The following STX8 variants were observed in gnomAD, a reference collection of about 807,000 sequenced individuals.
STX8 encodes syntaxin 8, also known as syntaxin-8.
Under a neutral mutation model 37.5 loss-of-function variants are expected in STX8, and 23 were observed. The ratio of observed to expected loss-of-function variants is 0.61; its 90% CI spans 0.44 to 0.87. The LOEUF (loss-of-function observed/expected upper bound fraction) is 0.87. Ranked by LOEUF, STX8 falls within the 40% of genes least tolerant of loss-of-function variation. The pLI is 0.00. For missense variants in STX8, 313 were observed against 284.7 expected (o/e 1.10, Z -0.71); for synonymous variants, 115 against 99.1 (o/e 1.16, Z -0.95).
chr17:9,467,986 C>T (rs1315089909), intron 6 of STX8, among the ~76,000 whole-genome samples: 2 of 152,118 alleles, frequency 1.3e-5, no homozygotes, highest in Admixed American at 1.3e-4. Flanking sequence ...TATACAGCTG[C>T]CATAATAATA....
intron 7 of STX8, among the ~76,000 whole-genome samples, chr17:9,372,442 G>T (rs73973708): frequency 0.072 from 10,972 of 151,894 alleles, 1,099 homozygotes; most frequent in African/African-American, 0.23. Context: ...AGAAGTGTCT[G>T]GCTTTATCAG....
intron 7 of STX8, among the ~76,000 whole-genome samples, chr17:9,286,109 G>C (rs1259284200): frequency 6.6e-6 from 1 of 152,174 alleles, no homozygotes; most frequent in African/African-American, 2.4e-5. Context: ...CGTGAAGTCA[G>C]TCTACGTTTG....
At chr17:9,437,339 C>T (rs1298757012) in intron 6 of STX8, among the ~76,000 whole-genome samples, 2 of 152,176 alleles carry the variant, frequency 1.3e-5, no homozygotes, top group South Asian at 2.1e-4. Flanking sequence ...AGGATTCACT[C>T]GTCAGGGCTA....
At chr17:9,389,235 C>A (rs1284697128) in intron 6 of STX8, among the ~76,000 whole-genome samples, 1 of 152,222 alleles carries the variant, frequency 6.6e-6, no homozygotes, top group Admixed American at 6.5e-5. Flanking sequence ...GGAATTCCCA[C>A]TCTGCAGACC....
At position 9,507,645 on chromosome 17, in the gene STX8, ACCAACC is replaced by A. The variant is rs1441131210; in HGVS notation, c.324-2489_324-2484del. ...CTGTGCCCTCAGCCAGAGTAAGGGC[ACCAACC>A]CCAACCCCAGCAAGTGAGACCCCAA... On this transcript the variant is annotated intron_variant, in intron 4 of 7. Transcript: ENST00000306357. The surrounding 1 kb of genome is among the most constrained non-coding windows in gnomAD (Gnocchi z 4.0). Among the ~76,000 whole-genome samples, 1 of 152,204 alleles carries A rather than the reference ACCAACC, an allele frequency of 6.6e-6. No individual in the cohort carries two copies. The highest frequency in any genetic ancestry group is 1.5e-5 in the Non-Finnish European group (1 of 68,042).
chr17:9,257,062 G>C (rs1346243394), intron 7 of STX8, among the ~76,000 whole-genome samples: 1 of 152,130 alleles, frequency 6.6e-6, no homozygotes, highest in Non-Finnish European at 1.5e-5. Context: ...TCCTGCCCTG[G>C]GCCCGCTGGC....
At chr17:9,442,007 A>G (rs7213397) in intron 6 of STX8, among the ~76,000 whole-genome samples, 31,136 of 151,938 alleles carry the variant, frequency 0.2, 3,596 homozygotes, top group Middle Eastern at 0.27. Context: ...TCTCAGATCT[A>G]AAATTCCAGT....
chr17:9,342,192 C>G (rs543962781), intron 7 of STX8, among the ~76,000 whole-genome samples: 12 of 152,264 alleles, frequency 7.9e-5, no homozygotes, highest in African/African-American at 2.9e-4. Context: ...TCTAATGCTG[C>G]CACTGATCTG....
At chr17:9,414,008 G>GTCCA (rs1190129501) in intron 6 of STX8, among the ~76,000 whole-genome samples, 584 of 137,792 alleles carry the variant, frequency 4.2e-3, no homozygotes, top group Non-Finnish European at 5.1e-3. Context: ...CTACCCATCT[G>GTCCA]TCCATCCATC....
rs189365987 is a variant in STX8 at position 9,457,269 on chromosome 17, G to A, written c.541+34560C>T. Among the ~76,000 whole-genome samples the A allele has an allele frequency of 3.9e-4, 59 of 152,298 alleles. 1 individual carries two copies. Among genetic ancestry groups the A allele is most frequent in the East Asian group, 3.1e-3 (16 of 5,184 alleles). ...TAGGTCTCCGTGGGTTAAAATCAAC[G>A]TGTCAGAAAGGCTGTCTTCCTTTCT... On this transcript the variant is annotated intron_variant, in intron 6 of 7. Coordinates refer to ENST00000306357, the MANE Select transcript of STX8 (RefSeq NM_004853.3).
intron 6 of STX8, among the ~76,000 whole-genome samples, chr17:9,403,029 T>C (rs1912679442): frequency 6.6e-6 from 1 of 152,128 alleles, no homozygotes; most frequent in African/African-American, 2.4e-5. Flanking sequence ...AAACCCATCA[T>C]ATAGAGGACT....
At chr17:9,434,245 C>T (rs8074511) in intron 6 of STX8, among the ~76,000 whole-genome samples, 7,654 of 152,194 alleles carry the variant, frequency 0.05, 588 homozygotes, top group African/African-American at 0.17. Flanking sequence ...CCTCGTGATC[C>T]GCCGGCCTCA....
intron 7 of STX8, among the ~76,000 whole-genome samples, chr17:9,282,653 A>G (rs958374748): frequency 2.6e-5 from 4 of 152,236 alleles, no homozygotes; most frequent in Admixed American, 1.3e-4. Flanking sequence ...GCATCATCTT[A>G]TAACTCAGAC....
At chr17:9,327,334 G>GAGA (rs557917510) in intron 7 of STX8, among the ~76,000 whole-genome samples, 393 of 150,142 alleles carry the variant, frequency 2.6e-3, no homozygotes, top group Admixed American at 4.4e-3. Context: ...AGAAGAGAAG[G>GAGA]AGAAGGAGGA....
At chr17:9,288,877 T>C (rs1318564626) in intron 7 of STX8, among the ~76,000 whole-genome samples, 2 of 152,066 alleles carry the variant, frequency 1.3e-5, no homozygotes, top group South Asian at 4.1e-4. Flanking sequence ...GAGGTAATCA[T>C]GAAAGCTATA....
At chr17:9,546,602 T>TTTTG (rs1906535802) in intron 3 of STX8, among the ~76,000 whole-genome samples, 1 of 127,350 alleles carries the variant, frequency 7.9e-6, no homozygotes, top group African/African-American at 3.2e-5. Context: ...TTTTTTTTTT[T>TTTTG]TTTTTTTTTT....
chr17:9,408,230 C>T (rs1461153902), intron 6 of STX8, among the ~76,000 whole-genome samples: 1 of 152,074 alleles, frequency 6.6e-6, no homozygotes, highest in African/African-American at 2.4e-5. Flanking sequence ...CTGGCGAACA[C>T]CATACTGAAT....
chr17:9,313,863 C>T (rs1909281299), intron 7 of STX8, among the ~76,000 whole-genome samples: 1 of 152,188 alleles, frequency 6.6e-6, no homozygotes, highest in African/African-American at 2.4e-5. Flanking sequence ...ATCTCCTGAC[C>T]TCGTGATCCA....
intron 3 of STX8, among the ~76,000 whole-genome samples, chr17:9,549,346 T>C (rs1271930274): frequency 6.6e-6 from 1 of 152,204 alleles, no homozygotes; most frequent in Non-Finnish European, 1.5e-5. Flanking sequence ...CTATGTTTTG[T>C]AGATGAGTAA....
Sources: gnomAD v4.1 joint callset for allele counts (sites outside exome capture counted in the v4.1 genomes callset) on GRCh38, gnomAD v4.1.1 for gene constraint, Gnocchi (gnomAD v3.1) non-coding constraint, MANE v1.5 for transcripts, NCBI Gene and HGNC (gene_info 2026-07-23, HGNC 2026-07-21) for gene names.